The following DNM2 variants were observed in gnomAD, a reference collection of about 807,000 sequenced individuals.
The protein encoded by DNM2 is dynamin-2.
A neutral mutation model predicts 99.0 loss-of-function variants in DNM2; 15 were observed. The observed-to-expected ratio is 0.15, with a 90% confidence interval of 0.10 to 0.23. The LOEUF is 0.23. Ranked by LOEUF, DNM2 falls within the 10% of genes least tolerant of loss-of-function variation. The pLI is 1.00. For missense variants in DNM2, 742 were observed against 1,189.4 expected, an observed-to-expected ratio of 0.62 and a Z score of 5.53; for synonymous variants, 525 against 481.2, an observed-to-expected ratio of 1.09 and a Z score of -1.19.
intron 7 of DNM2, among the ~76,000 whole-genome samples, chr19:10,792,079 C>A (rs529097752): frequency 3.9e-5 from 6 of 152,270 alleles, no homozygotes; most frequent in Admixed American, 3.9e-4. Flanking sequence ...CAGAGTGAGA[C>A]TCCAGCTCAA....
chr19:10,724,550 C>T lies in DNM2; in HGVS notation c.161+6147C>T, dbSNP rs561837567. ...CTTGAAGGAGGCGAGGAAGGAACCC[C>T]TGGAGACGGGAAGAGAATCCAGTGC... is the stretch of plus-strand genomic sequence containing the variant. On this transcript the variant is annotated intron_variant, in intron 1 of 20. Coordinates refer to ENST00000389253, the MANE Select transcript of DNM2 (RefSeq NM_001005361.3). Among the ~76,000 whole-genome samples, 4 of 152,302 alleles carry T rather than the reference C, an allele frequency of 2.6e-5. No homozygotes were observed. In the South Asian group the frequency reaches 6.2e-4, roughly 24 times the overall value.
chr19:10,745,153 C>T (rs886900004), intron 1 of DNM2, among the ~76,000 whole-genome samples: 11 of 152,182 alleles, frequency 7.2e-5, no homozygotes, highest in African/African-American at 9.7e-5. Context: ...AAAAAAAACC[C>T]GAAGTGGAGG....
chr19:10,821,609 G>A (rs1035556203), intron 16 of DNM2, among the ~76,000 whole-genome samples: 5 of 152,050 alleles, frequency 3.3e-5, no homozygotes, highest in East Asian at 1.9e-4. Flanking sequence ...TCAGCTCACC[G>A]CAACCTCTGC....
intron 7 of DNM2, among the ~76,000 whole-genome samples, chr19:10,790,772 T>C (rs183847097): frequency 2.6e-5 from 4 of 152,242 alleles, no homozygotes; most frequent in East Asian, 3.9e-4. Flanking sequence ...CCGGACCTCA[T>C]GTATTTGTTT....
chr19:10,764,604 C>G lies in DNM2; in HGVS notation c.235+4793C>G, dbSNP rs985656394. Among the ~76,000 whole-genome samples the G allele has an allele frequency of 1.3e-5, 2 of 152,214 alleles. No homozygotes were observed. The highest frequency in any genetic ancestry group is 4.8e-5 in the African/African-American group (2 of 41,470). On this transcript the variant is annotated intron_variant, in intron 2 of 20. Transcript: ENST00000389253. This position sits in a 1 kb window ranked among gnomAD's most constrained non-coding sequence, Gnocchi z 4.1. ...CCTCCCCACCGCCCTTGGCCTTGAACTGGCCTTTGGTGTGCTCACCGGAAC... is the reference window on the plus strand; with the variant it reads ...CCTCCCCACCGCCCTTGGCCTTGAAGTGGCCTTTGGTGTGCTCACCGGAAC...
Position 10,831,682 on chromosome 19 carries a change from C to T in DNM2, c.*635C>T. 1.0e-6 allele frequency: 1 copy of T among 986,280 alleles called. No individual in the cohort carries two copies. Among genetic ancestry groups the T allele is most frequent in the South Asian group, 4.7e-5 (1 of 21,304 alleles). The allele number at this position is 986,280 out of a possible 1,614,324, so 61.1% of individuals were successfully genotyped here. A position where few individuals can be genotyped will look rare whatever the true frequency, so the allele number is the denominator to read the frequency against. On this transcript the variant is annotated 3_prime_UTR_variant, in exon 21 of 21. Coordinates refer to ENST00000389253, the MANE Select transcript of DNM2 (RefSeq NM_001005361.3). This position sits in a 1 kb window ranked among gnomAD's most constrained non-coding sequence, Gnocchi z 4.3. ...CTTGCCCTATTCCTCTCCTCCTCCT[C>T]CTCCTGGGTCCCCCAGGGTGGCTGG...
At position 10,765,114 on chromosome 19, in the gene DNM2, C is replaced by T. The variant is rs1007472184; in HGVS notation, c.235+5303C>T. ...CTGGGACTACAGGCGCCCGCCACCTCGCCCGGCTAATTTTTTTGTATGCTT... is the reference window on the plus strand; with the variant it reads ...CTGGGACTACAGGCGCCCGCCACCTTGCCCGGCTAATTTTTTTGTATGCTT... On this transcript the variant is annotated intron_variant, in intron 2 of 20. Coordinates refer to ENST00000389253, the MANE Select transcript of DNM2 (RefSeq NM_001005361.3). The surrounding 1 kb of genome is among the most constrained non-coding windows in gnomAD (Gnocchi z 4.4). Among the ~76,000 whole-genome samples, 2 of 152,086 alleles carry T rather than the reference C, an allele frequency of 1.3e-5. No homozygotes were observed. The highest frequency in any genetic ancestry group is 2.4e-5 in the African/African-American group (1 of 41,428).
intron 5 of DNM2, among the ~76,000 whole-genome samples, chr19:10,780,660 G>T (rs4353563): frequency 0.94 from 142,902 of 152,112 alleles, 67,348 homozygotes; most frequent in East Asian, 1. Flanking sequence ...AGGCGTGGTG[G>T]CTCATGCCTA....
rs1428229772 is a variant in DNM2, at chr19:10,764,029, A to G, written c.235+4218A>G. 6.6e-6 allele frequency among the ~76,000 whole-genome samples: 1 copy of G among 152,142 alleles called. No homozygotes were observed. The highest frequency in any genetic ancestry group is 1.5e-5 in the Non-Finnish European group (1 of 68,006). On this transcript the variant is annotated intron_variant, in intron 2 of 20. Coordinates refer to ENST00000389253, the MANE Select transcript of DNM2 (RefSeq NM_001005361.3). This position sits in a 1 kb window ranked among gnomAD's most constrained non-coding sequence, Gnocchi z 4.1. ...CTGGGGGAGGTGGGTGGGAGGTAGG[A>G]CGCCTTACTAAGAGGAGAGGAAAAT...
In DNM2 at chr19:10,818,762, G is replaced by A. The variant is rs2072866314; in HGVS notation, c.1672-1218G>A. Among the ~76,000 whole-genome samples the A allele has an allele frequency of 6.6e-6, 1 of 152,216 alleles. No individual in the cohort carries two copies. Among genetic ancestry groups the A allele is most frequent in the African/African-American group, 2.4e-5 (1 of 41,446 alleles). On this transcript the variant is annotated intron_variant, in intron 15 of 20. Coordinates refer to ENST00000389253, the MANE Select transcript of DNM2 (RefSeq NM_001005361.3). This position sits in a 1 kb window ranked among gnomAD's most constrained non-coding sequence, Gnocchi z 4.3. ...GAGAGGAGTTTCCAGAGACGGCCCA[G>A]GGAGAAGAAGGGCCAGGGGCACTGT...
intron 7 of DNM2, among the ~76,000 whole-genome samples, chr19:10,788,249 AAAG>A (rs1568301437): frequency 6.6e-6 from 1 of 151,842 alleles, no homozygotes; most frequent in African/African-American, 2.4e-5. Context: ...AAAAAAAAAA[AAAG>A]AAGTTGAGTG....
chr19:10,750,226 C>A (rs185171435), intron 1 of DNM2, among the ~76,000 whole-genome samples: 45 of 152,252 alleles, frequency 3.0e-4, no homozygotes, highest in Middle Eastern at 3.4e-3. Flanking sequence ...CACCTGTAAT[C>A]CCGGTGCTTT....
intron 1 of DNM2, among the ~76,000 whole-genome samples, chr19:10,732,299 G>GAA (rs1161253585): frequency 0.016 from 1,470 of 90,974 alleles, 17 homozygotes; most frequent in Non-Finnish European, 0.024. Context: ...TCGTTGTGGA[G>GAA]AAAAAAAAAA....
At chr19:10,786,332 C>T (rs2145976703) in intron 6 of DNM2, 2 of 649,286 alleles carry the variant, frequency 3.1e-6, no homozygotes, top group African/African-American at 1.8e-5. Flanking sequence ...TGATGTCGGC[C>T]CCGTGGGCTG....
chr19:10,739,959 C>A (rs1414619647), intron 1 of DNM2, among the ~76,000 whole-genome samples: 1 of 145,462 alleles, frequency 6.9e-6, no homozygotes, highest in East Asian at 2.1e-4. Flanking sequence ...AATTAAATTT[C>A]TTGTACATCT....
intron 4 of DNM2, among the ~76,000 whole-genome samples, chr19:10,776,913 C>T (rs1193795918): frequency 6.6e-6 from 1 of 152,204 alleles, no homozygotes; most frequent in Non-Finnish European, 1.5e-5. Flanking sequence ...CAGGCTCACC[C>T]TTATGACCAC....
chr19:10,807,801 G>T (rs1031243812), intron 13 of DNM2, among the ~76,000 whole-genome samples: 10 of 149,538 alleles, frequency 6.7e-5, no homozygotes, highest in Non-Finnish European at 1.2e-4. Flanking sequence ...CACCCGCCTC[G>T]CCCGGACAAA....
At chr19:10,822,177 TTTTC>T (rs1183685425) in intron 16 of DNM2, among the ~76,000 whole-genome samples, 2 of 151,920 alleles carry the variant, frequency 1.3e-5, no homozygotes, top group African/African-American at 2.4e-5. Context: ...TCTTTTTTCT[TTTTC>T]TTTTTCTTTT....
intron 11 of DNM2, among the ~76,000 whole-genome samples, chr19:10,801,904 C>G (rs763045410): frequency 7.3e-6 from 1 of 136,392 alleles, no homozygotes; most frequent in Non-Finnish European, 1.6e-5. Context: ...GACTCCGTCT[C>G]GAAGAAAAAA....
Sources: gnomAD v4.1 joint callset for allele counts (sites outside exome capture counted in the v4.1 genomes callset) on GRCh38, gnomAD v4.1.1 for gene constraint, Gnocchi (gnomAD v3.1) non-coding constraint, MANE v1.5 for transcripts, NCBI Gene and HGNC (gene_info 2026-07-23, HGNC 2026-07-21) for gene names.